PARD3B: variants seen among roughly 807,000 people sequenced by gnomAD.
The protein encoded by PARD3B is partitioning defective 3 homolog B.
PARD3B carries 103 observed loss-of-function variants against 130.2 expected under a neutral mutation model. The observed-to-expected ratio is 0.79, with a 90% CI of 0.67 to 0.93. PARD3B has a LOEUF of 0.93. Ranked by LOEUF, PARD3B falls within the 40% of genes least tolerant of loss-of-function variation. PARD3B has a pLI of 0.00. For synonymous variants in PARD3B, 583 were observed against 553.2 expected (o/e 1.05, Z -0.76); for missense variants, 1,609 against 1,499.2 (o/e 1.07, Z -1.21).
intron 2 of PARD3B, among the ~76,000 whole-genome samples, chr2:204,716,042 A>G (rs1326311940): frequency 6.6e-6 from 1 of 152,224 alleles, no homozygotes; most frequent in Admixed American, 6.5e-5. Flanking sequence ...TGTTATTTGA[A>G]CAGTACTCAG....
intron 1 of PARD3B, among the ~76,000 whole-genome samples, chr2:204,670,588 C>T (rs535332265): frequency 1.3e-5 from 2 of 152,064 alleles, no homozygotes; most frequent in East Asian, 1.9e-4. Flanking sequence ...CAATTTTAGA[C>T]ATTTTCTGTT....
intron 2 of PARD3B, among the ~76,000 whole-genome samples, chr2:204,845,272 A>G (rs968650568): frequency 2.0e-5 from 3 of 152,146 alleles, no homozygotes; most frequent in South Asian, 2.1e-4. Context: ...GAAAATAACT[A>G]GTTTGTTTAA....
chr2:205,518,159 T>C (rs760900803), intron 21 of PARD3B, among the ~76,000 whole-genome samples: 12 of 152,204 alleles, frequency 7.9e-5, no homozygotes, highest in Non-Finnish European at 1.6e-4. Context: ...GCCTCGATGA[T>C]CTAATAATGT....
intron 18 of PARD3B, among the ~76,000 whole-genome samples, chr2:205,390,184 T>G (rs1339373920): frequency 1.3e-5 from 2 of 151,752 alleles, no homozygotes; most frequent in East Asian, 3.9e-4. Flanking sequence ...GCTACATAAT[T>G]TAAGATTTTT....
At chr2:205,417,549 G>T (rs535852321) in intron 19 of PARD3B, among the ~76,000 whole-genome samples, 7 of 152,328 alleles carry the variant, frequency 4.6e-5, no homozygotes, top group Non-Finnish European at 1.0e-4. Context: ...CCCACCAACA[G>T]TGTAAAAGCT....
At position 205,166,113 on chromosome 2, in the gene PARD3B, A is replaced by G. The variant is rs149270257; in HGVS notation, c.1621-6098A>G. On this transcript the variant is annotated intron_variant, in intron 11 of 22. Coordinates refer to ENST00000406610, the MANE Select transcript of PARD3B (RefSeq NM_001302769.2). ...TTGAACATTTAGAGTGAGTTAGACA[A>G]CAGTGTATAGTGGACTAGACACCGC... is the stretch of plus-strand genomic sequence containing the variant. Among the ~76,000 whole-genome samples the G allele has an allele frequency of 3.9e-3, 589 of 152,324 alleles. 3 individuals are homozygous for G. Among genetic ancestry groups the G allele is most frequent in the Middle Eastern group, 6.8e-3 (2 of 294 alleles).
rs1191164675 is a variant in PARD3B, at chr2:205,288,812, A to G, written c.2186-11718A>G. Among the ~76,000 whole-genome samples the G allele has an allele frequency of 2.0e-5, 3 of 152,106 alleles. No individual in the cohort carries two copies. The highest frequency in any genetic ancestry group is 4.4e-5 in the Non-Finnish European group (3 of 68,012). Reference sequence around the variant, plus strand: ...ATCCATCTTCAAGGATATGACCCACATCATGCATAAAGTCTTACTCAGTGA... The same window carrying G: ...ATCCATCTTCAAGGATATGACCCACGTCATGCATAAAGTCTTACTCAGTGA... On this transcript the variant is annotated intron_variant, in intron 16 of 22. Coordinates refer to ENST00000406610, the MANE Select transcript of PARD3B (RefSeq NM_001302769.2). The surrounding 1 kb of genome is among the most constrained non-coding windows in gnomAD (Gnocchi z 4.0).
intron 19 of PARD3B, among the ~76,000 whole-genome samples, chr2:205,439,398 C>A (rs371821769): frequency 2.0e-5 from 3 of 152,316 alleles, no homozygotes; most frequent in East Asian, 3.9e-4. Context: ...GGTTTACACT[C>A]TTTTCTCATT....
intron 2 of PARD3B, among the ~76,000 whole-genome samples, chr2:204,954,410 G>C (rs1191434284): frequency 6.6e-6 from 1 of 152,174 alleles, no homozygotes; most frequent in Non-Finnish European, 1.5e-5. Flanking sequence ...ATGAAATGCT[G>C]GAGAAGGTAG....
intron 22 of PARD3B, among the ~76,000 whole-genome samples, chr2:205,579,696 T>TA (rs2053896050): frequency 6.6e-6 from 1 of 152,240 alleles, no homozygotes; most frequent in African/African-American, 2.4e-5. Context: ...GGGGGACAGT[T>TA]AAAGGATTCC....
chr2:205,469,986 G>T (rs533101699), intron 20 of PARD3B, among the ~76,000 whole-genome samples: 1 of 152,112 alleles, frequency 6.6e-6, no homozygotes, highest in Non-Finnish European at 1.5e-5. Flanking sequence ...AAGAATCCTG[G>T]ATCATGCATT....
chr2:204,876,738 G>T (rs1363462524), intron 2 of PARD3B, among the ~76,000 whole-genome samples: 1 of 151,998 alleles, frequency 6.6e-6, no homozygotes, highest in Non-Finnish European at 1.5e-5. Context: ...GTTTTAAGTT[G>T]TATTAAAGGT....
intron 18 of PARD3B, among the ~76,000 whole-genome samples, chr2:205,367,812 C>T (rs955091857): frequency 2.6e-5 from 4 of 152,124 alleles, no homozygotes; most frequent in African/African-American, 9.7e-5. Flanking sequence ...GATGCCTTTT[C>T]TGTGTTTGAG....
intron 4 of PARD3B, among the ~76,000 whole-genome samples, chr2:205,054,738 G>A (rs1699528205): frequency 6.6e-6 from 1 of 151,896 alleles, no homozygotes; most frequent in Non-Finnish European, 1.5e-5. Flanking sequence ...GATTTCTGCT[G>A]TGTGCTTTCT....
chr2:204,989,760 A>G (rs1308307479), intron 3 of PARD3B, among the ~76,000 whole-genome samples: 1 of 152,094 alleles, frequency 6.6e-6, no homozygotes, highest in Non-Finnish European at 1.5e-5. Flanking sequence ...ACTCCTAAGG[A>G]GTATCATGTT....
At chr2:204,798,879 G>T (rs1380215731) in intron 2 of PARD3B, among the ~76,000 whole-genome samples, 1 of 152,114 alleles carries the variant, frequency 6.6e-6, no homozygotes, top group Non-Finnish European at 1.5e-5. Context: ...GTCAGCTGTA[G>T]CCAGTTAGTA....
chr2:205,376,261 G>A (rs915957647), intron 18 of PARD3B, among the ~76,000 whole-genome samples: 1 of 152,162 alleles, frequency 6.6e-6, no homozygotes, highest in Non-Finnish European at 1.5e-5. Flanking sequence ...AAAGCAGGCA[G>A]AGTCCACAAG....
intron 19 of PARD3B, among the ~76,000 whole-genome samples, chr2:205,425,123 C>T (rs2047100435): frequency 6.6e-6 from 1 of 152,172 alleles, no homozygotes; most frequent in Non-Finnish European, 1.5e-5. Context: ...ACACTAATGA[C>T]ACCTTTTGTA....
intron 4 of PARD3B, among the ~76,000 whole-genome samples, chr2:205,071,250 T>C (rs957914980): frequency 1.3e-5 from 2 of 152,146 alleles, no homozygotes; most frequent in Non-Finnish European, 1.5e-5. Context: ...TTCTTACAAG[T>C]TTCCTTCCTT....
Sources: allele counts gnomAD v4.1 joint callset (sites outside exome capture counted in the v4.1 genomes callset), GRCh38; gene constraint gnomAD v4.1.1; non-coding constraint Gnocchi (gnomAD v3.1); transcripts MANE v1.5; gene names NCBI Gene and HGNC (gene_info 2026-07-23, HGNC 2026-07-21).